The following DZIP3 variants were observed in gnomAD, a reference collection of about 807,000 sequenced individuals.
The protein encoded by DZIP3 is DAZ interacting zinc finger protein 3, also known as E3 ubiquitin-protein ligase DZIP3.
A neutral mutation model predicts 162.0 loss-of-function variants in DZIP3; 118 were observed. The observed-to-expected ratio is 0.73, with a 90% CI of 0.63 to 0.85. The LOEUF (loss-of-function observed/expected upper bound fraction) is 0.85. DZIP3 is among the 40% of genes least tolerant of loss of function. The pLI is 0.00. For synonymous variants in DZIP3, 438 were observed against 458.6 expected (o/e 0.96, Z 0.57); for missense variants, 1,331 against 1,407.0 (o/e 0.95, Z 0.86).
At chr3:108,601,670 T>C (rs1390109736) in intron 1 of DZIP3, among the ~76,000 whole-genome samples, 1 of 152,204 alleles carries the variant, frequency 6.6e-6, no homozygotes, top group Non-Finnish European at 1.5e-5. Flanking sequence ...AGTCTCTATC[T>C]TGGCCAGGTA....
At chr3:108,689,616 G>C (rs146636813) in intron 31 of DZIP3, among the ~76,000 whole-genome samples, 1,982 of 152,280 alleles carry the variant, frequency 0.013, 42 homozygotes, top group African/African-American at 0.046. Flanking sequence ...GAACCCAGGA[G>C]GTGGTGCTTG....
intron 12 of DZIP3, among the ~76,000 whole-genome samples, chr3:108,640,297 G>A (rs116787924): frequency 6.7e-6 from 1 of 148,274 alleles, no homozygotes; most frequent in African/African-American, 2.5e-5. Flanking sequence ...AGTTACTCAG[G>A]GAATGTTGAA....
intron 21 of DZIP3, among the ~76,000 whole-genome samples, chr3:108,663,982 C>T (rs1422623743): frequency 6.6e-6 from 1 of 152,166 alleles, no homozygotes; most frequent in Non-Finnish European, 1.5e-5. Flanking sequence ...TCCAGGTCCA[C>T]CAAAATGTAT....
chr3:108,686,484 G>T lies in DZIP3; in HGVS notation c.3049G>T (p.Asp1017Tyr), dbSNP rs780431679. Reference protein sequence around the residue: ...IAWALPAPVGDAVPPSAGLRS... With the variant: ...IAWALPAPVGYAVPPSAGLRS... ...CTGGGCTCTGCCAGCGCCTGTGGGA[G>T]ACGCTGTGCCTCCCAGTGCAGGTCT... is the stretch of plus-strand genomic sequence containing the variant. Residue 1017 changes from aspartate to tyrosine, a missense_variant, in exon 28 of 33, where the codon GAC becomes TAC. Asp to Tyr is a radical substitution (Grantham distance 160, BLOSUM62 -3). This residue lies in a region of DZIP3 where 1,278 missense variants were observed against 1,317.1 expected (regional missense o/e 0.97). Coordinates refer to ENST00000361582, the MANE Select transcript of DZIP3 (RefSeq NM_014648.4). The T allele has an allele frequency of 3.7e-6, 6 of 1,611,262 alleles. No individual in the cohort carries two copies. The South Asian group carries it at 6.6e-5, about 18-fold the overall frequency.
chr3:108,590,949 T>C (rs1333788205), intron 1 of DZIP3, among the ~76,000 whole-genome samples: 2 of 152,218 alleles, frequency 1.3e-5, no homozygotes, highest in African/African-American at 4.8e-5. Context: ...GCATGCAACT[T>C]ACATTTTGGT....
At chr3:108,622,094 AG>A (rs1487438937) in intron 5 of DZIP3, among the ~76,000 whole-genome samples, 1 of 152,074 alleles carries the variant, frequency 6.6e-6, no homozygotes, top group African/African-American at 2.4e-5. Flanking sequence ...ATGGAACTGG[AG>A]GTCATTATGT....
At chr3:108,641,672 C>T (rs370928964) in intron 12 of DZIP3, among the ~76,000 whole-genome samples, 17 of 152,136 alleles carry the variant, frequency 1.1e-4, no homozygotes, top group African/African-American at 4.1e-4. Flanking sequence ...ATGGGAGATA[C>T]CTTTTACTCA....
At chr3:108,624,416 A>C in intron 5 of DZIP3, 28 bp from the exon 6 acceptor site, 2 of 1,309,952 alleles carry the variant, frequency 1.5e-6, no homozygotes, top group Non-Finnish European at 2.2e-6. Context: ...AGTCTAAATA[A>C]CCAATTAACA....
At chr3:108,642,360 C>T (rs994308264) in intron 12 of DZIP3, 78 bp from the exon 13 acceptor site, 3 of 1,368,808 alleles carry the variant, frequency 2.2e-6, no homozygotes, top group Non-Finnish European at 2.9e-6. Flanking sequence ...ACTCACTTAG[C>T]CATGCTCATA....
chr3:108,644,064 A>G (rs1017676904), intron 13 of DZIP3, 100 bp from the exon 14 acceptor site: 26 of 1,385,590 alleles, frequency 1.9e-5, no homozygotes, highest in Middle Eastern at 5.3e-4. Context: ...TTCTTTTGGA[A>G]TAGTTTTTAT....
chr3:108,598,946 G>A (rs1939847747), intron 1 of DZIP3, among the ~76,000 whole-genome samples: 1 of 152,154 alleles, frequency 6.6e-6, no homozygotes, highest in African/African-American at 2.4e-5. Flanking sequence ...CATATTCATT[G>A]TAGGCACATT....
chr3:108,677,750 G>A (rs1004178379), intron 26 of DZIP3, 152 bp downstream of exon 26: 31 of 705,256 alleles, frequency 4.4e-5, no homozygotes, highest in South Asian at 3.3e-4. Context: ...CCATACCTTC[G>A]AGTCACCAGA....
intron 19 of DZIP3, among the ~76,000 whole-genome samples, chr3:108,655,694 C>T (rs955766340): frequency 3.3e-5 from 5 of 152,114 alleles, no homozygotes; most frequent in South Asian, 2.1e-4. Flanking sequence ...CAAAGCAGGG[C>T]GAGGCATCAC....
At chr3:108,672,292 G>T (rs953341820) in intron 22 of DZIP3, among the ~76,000 whole-genome samples, 2 of 151,908 alleles carry the variant, frequency 1.3e-5, no homozygotes, top group African/African-American at 4.8e-5. Context: ...TTAATAAGTT[G>T]TGGAGCTAAG....
At chr3:108,641,159 G>A (rs954104600) in intron 12 of DZIP3, among the ~76,000 whole-genome samples, 2 of 151,896 alleles carry the variant, frequency 1.3e-5, no homozygotes, top group Non-Finnish European at 2.9e-5. Context: ...TTATACCACA[G>A]CATGTATAGT....
intron 9 of DZIP3, among the ~76,000 whole-genome samples, chr3:108,633,632 G>A (rs1220757923): frequency 5.6e-5 from 8 of 143,272 alleles, no homozygotes; most frequent in East Asian, 4.3e-4. Flanking sequence ...ATCTATCAGA[G>A]TACTTCTGAT....
intron 28 of DZIP3, among the ~76,000 whole-genome samples, chr3:108,687,557 C>A (rs182297685): frequency 2.1e-4 from 32 of 152,086 alleles, no homozygotes; most frequent in African/African-American, 7.5e-4. Context: ...ACTATTAACA[C>A]TGATAAAGAA....
At chr3:108,669,105 T>C (rs1387090805) in intron 21 of DZIP3, among the ~76,000 whole-genome samples, 1 of 151,956 alleles carries the variant, frequency 6.6e-6, no homozygotes, top group Non-Finnish European at 1.5e-5. Flanking sequence ...CTATAGATTC[T>C]GATTTATACA....
intron 1 of DZIP3, among the ~76,000 whole-genome samples, chr3:108,600,987 A>C (rs1321820189): frequency 3.3e-5 from 5 of 152,144 alleles, no homozygotes; most frequent in Non-Finnish European, 7.4e-5. Context: ...AACTCAAATA[A>C]TTTTGACATT....
Sources: allele counts gnomAD v4.1 joint callset (sites outside exome capture counted in the v4.1 genomes callset), GRCh38; gene constraint gnomAD v4.1.1; regional missense constraint gnomAD v4.1.1; transcripts MANE v1.5; gene names NCBI Gene and HGNC (gene_info 2026-07-23, HGNC 2026-07-21).